The following SYNPR variants were observed in gnomAD, a reference collection of about 807,000 sequenced individuals.
SYNPR encodes synaptoporin.
In SYNPR, 23 loss-of-function variants were observed where a neutral mutation model predicts 32.9. The observed-to-expected ratio is 0.70, with a 90% CI of 0.50 to 0.99. The LOEUF (loss-of-function observed/expected upper bound fraction) is 0.99. Ranked by LOEUF, SYNPR falls within the 50% of genes least tolerant of loss-of-function variation. SYNPR has a pLI of 0.00. For missense variants in SYNPR, 318 were observed against 349.3 expected, an observed-to-expected ratio of 0.91 and a Z score of 0.71; for synonymous variants, 146 against 135.9, an observed-to-expected ratio of 1.07 and a Z score of -0.52.
chr3:63,610,419 T>C lies in SYNPR; in HGVS notation c.600+1103T>C, dbSNP rs1700182724. ...CAGTGTTTGCTGAAAGAACATTCTT[T>C]AGCACATCCTAGAAATAATTATCTT... is the stretch of plus-strand genomic sequence containing the variant. On this transcript the variant is annotated intron_variant, in intron 5 of 5. Transcript: ENST00000478300. The C allele has an allele frequency of 1.8e-5, 12 of 668,722 alleles. 1 individual carries two copies. The South Asian group carries it at 2.0e-4, about 11-fold the overall frequency. The allele number at this position is 668,722 out of a possible 1,614,324, so 41.4% of individuals were successfully genotyped here.
chr3:63,220,167 TAAG>T, the SYNPR span, among the ~76,000 whole-genome samples: 1 of 152,132 alleles, frequency 6.6e-6, no homozygotes, highest in Non-Finnish European at 1.5e-5. Context: ...AAGGTGAAAT[TAAG>T]AAGTCTAGTG....
chr3:63,498,975 T>TA (rs1365735025), intron 3 of SYNPR, among the ~76,000 whole-genome samples: 3,871 of 140,944 alleles, frequency 0.027, 149 homozygotes, highest in African/African-American at 0.091. Context: ...AATAAAAAAT[T>TA]AAAAAAAAAA....
intron 2 of SYNPR, among the ~76,000 whole-genome samples, chr3:63,429,583 CTG>C (rs1469337191): frequency 3.3e-5 from 5 of 152,172 alleles, no homozygotes; most frequent in South Asian, 2.1e-4. Context: ...TTAAAAAAGA[CTG>C]TAACTATTTT....
chr3:63,550,158 C>A (rs200551281), intron 3 of SYNPR: 2 of 151,904 alleles, frequency 1.3e-5, no homozygotes, highest in East Asian at 3.9e-4. Context: ...TGACTATACA[C>A]TTTCCCCCCA....
chr3:63,223,239 A>C, the SYNPR span, among the ~76,000 whole-genome samples: 3 of 151,852 alleles, frequency 2.0e-5, no homozygotes, highest in African/African-American at 7.2e-5. Context: ...TGGCCCAAAC[A>C]GGAAAGAGCT....
At chr3:63,315,834 C>T (rs918444692) in intron 2 of SYNPR, among the ~76,000 whole-genome samples, 11 of 151,942 alleles carry the variant, frequency 7.2e-5, no homozygotes, top group Non-Finnish European at 1.2e-4. Context: ...AGAGGGAACG[C>T]TTTTAACTTT....
intron 2 of SYNPR, among the ~76,000 whole-genome samples, chr3:63,381,912 G>A (rs931385411): frequency 6.6e-6 from 1 of 151,912 alleles, no homozygotes; most frequent in Non-Finnish European, 1.5e-5. Flanking sequence ...GGTTCCTTCA[G>A]GCATTTATTT....
intron 2 of SYNPR, among the ~76,000 whole-genome samples, chr3:63,323,614 A>G (rs1162964394): frequency 6.6e-6 from 1 of 152,106 alleles, no homozygotes; most frequent in African/African-American, 2.4e-5. Flanking sequence ...ACACTTGAGC[A>G]TTTGATCAGA....
At chr3:63,243,689 T>G (rs1198304963) in intron 1 of SYNPR, among the ~76,000 whole-genome samples, 2 of 152,090 alleles carry the variant, frequency 1.3e-5, no homozygotes, top group East Asian at 1.9e-4. Context: ...ATGCAAAATA[T>G]GCATTCAGTG....
chr3:63,231,683 G>C (rs985647032), intron 1 of SYNPR, among the ~76,000 whole-genome samples: 2 of 152,090 alleles, frequency 1.3e-5, no homozygotes, highest in African/African-American at 4.8e-5. Flanking sequence ...ATCCTTCTAA[G>C]AAAAGGCCAT....
At chr3:63,352,693 T>G (rs981917013) in intron 2 of SYNPR, among the ~76,000 whole-genome samples, 2 of 152,182 alleles carry the variant, frequency 1.3e-5, no homozygotes, top group African/African-American at 2.4e-5. Context: ...CTGGGTAATC[T>G]ATAAAGGAAA....
chr3:63,403,647 G>T (rs1269869833), intron 2 of SYNPR, among the ~76,000 whole-genome samples: 2 of 152,126 alleles, frequency 1.3e-5, no homozygotes, highest in African/African-American at 4.8e-5. Flanking sequence ...GAAATTGGAG[G>T]TTCTAGCCTC....
At chr3:63,519,468 G>A (rs992809264) in intron 3 of SYNPR, among the ~76,000 whole-genome samples, 8 of 152,054 alleles carry the variant, frequency 5.3e-5, no homozygotes, top group Non-Finnish European at 1.0e-4. Flanking sequence ...TCCCTTCTTC[G>A]TGAGCAGAGC....
At chr3:63,356,559 T>C (rs1287161445) in intron 2 of SYNPR, among the ~76,000 whole-genome samples, 1 of 152,224 alleles carries the variant, frequency 6.6e-6, no homozygotes, top group East Asian at 1.9e-4. Context: ...AGCAGTGGTG[T>C]CTTCCCTGAA....
chr3:63,219,207 A>C, the SYNPR span, among the ~76,000 whole-genome samples: 2 of 152,224 alleles, frequency 1.3e-5, no homozygotes, highest in Admixed American at 6.5e-5. Context: ...TGGGATGGAG[A>C]CGTGCCAAGC....
chr3:63,423,928 G>A (rs1193908134), intron 2 of SYNPR, among the ~76,000 whole-genome samples: 1 of 152,168 alleles, frequency 6.6e-6, no homozygotes, highest in East Asian at 1.9e-4. Flanking sequence ...TCCAAAGTGA[G>A]AGACATTCTA....
chr3:63,398,387 C>G (rs749887697), intron 2 of SYNPR, among the ~76,000 whole-genome samples: 1 of 152,070 alleles, frequency 6.6e-6, no homozygotes, highest in Non-Finnish European at 1.5e-5. Flanking sequence ...TCTGCCATGT[C>G]AAATATACAT....
At chr3:63,578,268 C>T (rs1196306564) in intron 4 of SYNPR, among the ~76,000 whole-genome samples, 1 of 152,244 alleles carries the variant, frequency 6.6e-6, no homozygotes, top group African/African-American at 2.4e-5. Context: ...TGTTACTTAC[C>T]TTGGGCCTCA....
At chr3:63,272,515 T>A (rs1207999713) in intron 3 of SYNPR, among the ~76,000 whole-genome samples, 1 of 151,854 alleles carries the variant, frequency 6.6e-6, no homozygotes, top group Non-Finnish European at 1.5e-5. Flanking sequence ...TGGGCATTTT[T>A]TTTTTTTTTT....
Sources: gnomAD v4.1 joint callset for allele counts (sites outside exome capture counted in the v4.1 genomes callset) on GRCh38, gnomAD v4.1.1 for gene constraint, MANE v1.5 for transcripts, NCBI Gene and HGNC (gene_info 2026-07-23, HGNC 2026-07-21) for gene names.